Variants in SLC27A1 observed in about 807,000 individuals in gnomAD.
SLC27A1 encodes the protein solute carrier family 27 member 1.
A neutral mutation model predicts 62.2 loss-of-function variants in SLC27A1; 61 were observed. That is an observed-to-expected ratio of 0.98 (90% CI 0.80 to 1.21). The LOEUF (loss-of-function observed/expected upper bound fraction) is 1.21. Ranked by LOEUF, SLC27A1 falls within the 50% of genes most tolerant of loss-of-function variation. The probability of loss-of-function intolerance (pLI) is 0.00; values close to 1 mark genes in which losing one functional copy is unlikely to be tolerated. For synonymous variants in SLC27A1, 435 were observed against 408.6 expected (o/e 1.06, Z -0.78); for missense variants, 903 against 932.1 (o/e 0.97, Z 0.41).
chr19:17,501,440 A>C, intron 11 of SLC27A1, 21 bp downstream of exon 11: 1 of 1,606,864 alleles, frequency 6.2e-7, no homozygotes, highest in East Asian at 2.2e-5. Flanking sequence ...CCCCCACTCC[A>C]ATCTCTCTCT....
intron 8 of SLC27A1, 41 bp from the exon 9 acceptor site, chr19:17,500,454 C>T (rs1216155843): frequency 6.2e-7 from 1 of 1,612,098 alleles, no homozygotes; most frequent in Non-Finnish European, 8.5e-7. Flanking sequence ...GTCCCCACGC[C>T]CTGCCTGCCT....
chr19:17,499,493 C>T (rs1189916200), intron 7 of SLC27A1: 1 of 151,972 alleles, frequency 6.6e-6, no homozygotes, highest in Non-Finnish European at 1.5e-5. Context: ...TGGAATGGCT[C>T]GTGCCCTCGG....
upstream of SLC27A1, among the ~76,000 whole-genome samples, chr19:17,469,908 G>C (rs1016030444): frequency 1.4e-5 from 2 of 147,288 alleles, no homozygotes; most frequent in East Asian, 2.0e-4. Flanking sequence ...ATTGCGGGGG[G>C]GTGGGGAGGC....
intron 6 of SLC27A1, among the ~76,000 whole-genome samples, chr19:17,492,070 A>G (rs1252511957): frequency 3.9e-5 from 6 of 152,092 alleles, no homozygotes; most frequent in Non-Finnish European, 7.3e-5. Context: ...ATTGTAGCAT[A>G]TATTTAGCAA....
chr19:17,500,906 A>G, intron 10 of SLC27A1, 30 bp downstream of exon 10: 1 of 1,584,242 alleles, frequency 6.3e-7, no homozygotes, highest in Non-Finnish European at 8.6e-7. Flanking sequence ...GGTGGTCCTG[A>G]GGCATGGTCC....
intron 11 of SLC27A1, among the ~76,000 whole-genome samples, chr19:17,502,344 GTTTTT>G (rs1231886797): frequency 1.9e-4 from 3 of 15,698 alleles, no homozygotes; most frequent in African/African-American, 4.7e-4. Context: ...TGTTTTTTTT[GTTTTT>G]TTTTTTTTTT....
intron 1 of SLC27A1, among the ~76,000 whole-genome samples, chr19:17,471,705 G>A (rs527712918): frequency 5.9e-5 from 9 of 152,210 alleles, no homozygotes; most frequent in Middle Eastern, 3.4e-3. Flanking sequence ...AGGGTGTGGA[G>A]ATGGGAAAGA....
At chr19:17,485,867 G>A (rs972417585) in intron 1 of SLC27A1, among the ~76,000 whole-genome samples, 1 of 152,040 alleles carries the variant, frequency 6.6e-6, no homozygotes, top group Admixed American at 6.6e-5. Context: ...TCATCTAACA[G>A]CAAGTGGTGG....
At chr19:17,485,191 C>CTTTTTTTTTTTTTTTTTTTTTTT (rs386388659) in intron 1 of SLC27A1, among the ~76,000 whole-genome samples, 1 of 104,998 alleles carries the variant, frequency 9.5e-6, no homozygotes, top group Non-Finnish European at 1.9e-5. Context: ...TTTTTGTTTC[C>CTTTTTTTTTTTTTTTTTTTTTTT]TTTTTTTTTT....
At position 17,486,454 on chromosome 19, in the gene SLC27A1, C is replaced by A. The variant is rs563491931; in HGVS notation, c.168-109C>A. On this transcript the variant is annotated intron_variant, in intron 1 of 11. Coordinates refer to ENST00000252595, the MANE Select transcript of SLC27A1 (RefSeq NM_198580.3). The surrounding 1 kb of genome is among the most constrained non-coding windows in gnomAD (Gnocchi z 6.6). Reference sequence around the variant, plus strand: ...CCACCAAAAGTTTCACCATAGACCTCATCAAAGCCCCTGGCTGCCCTGGGG... The same window carrying A: ...CCACCAAAAGTTTCACCATAGACCTAATCAAAGCCCCTGGCTGCCCTGGGG... 2.1e-4 allele frequency: 273 copies of A among 1,323,912 alleles called. 1 individual carries two copies. The South Asian group carries it at 3.9e-3, about 19-fold the overall frequency. 82.0% of individuals were successfully genotyped at this position (1,323,912 alleles called of 1,614,324 possible).
chr19:17,491,354 C>T (rs2075292476), intron 6 of SLC27A1, among the ~76,000 whole-genome samples: 1 of 151,944 alleles, frequency 6.6e-6, no homozygotes, highest in Non-Finnish European at 1.5e-5. Context: ...CACTATTCTG[C>T]TTCCTGCCTC....
chr19:17,493,084 C>T (rs1233759924), intron 6 of SLC27A1, among the ~76,000 whole-genome samples: 3 of 147,702 alleles, frequency 2.0e-5, no homozygotes, highest in Non-Finnish European at 4.5e-5. Flanking sequence ...GACTGTGCCA[C>T]TGCACTCCAG....
chr19:17,501,537 C>T, intron 11 of SLC27A1, 118 bp downstream of exon 11: 1 of 1,396,904 alleles, frequency 7.2e-7, no homozygotes, highest in South Asian at 1.3e-5. Context: ...GGCACGGTGG[C>T]TCACGCCTGT....
chr19:17,485,124 A>G (rs1160111636), intron 1 of SLC27A1, among the ~76,000 whole-genome samples: 3 of 151,904 alleles, frequency 2.0e-5, no homozygotes, highest in African/African-American at 7.3e-5. Context: ...TTCTCAACCA[A>G]GAAAATCTGA....
chr19:17,483,201 C>G (rs1444443071), intron 1 of SLC27A1, among the ~76,000 whole-genome samples: 2 of 152,082 alleles, frequency 1.3e-5, no homozygotes, highest in Non-Finnish European at 2.9e-5. Context: ...GGTGGCTCTG[C>G]ACAAGGCTTT....
chr19:17,486,598 T>TGCG lies in SLC27A1; in HGVS notation c.209_211dup (p.Arg70dup). On this transcript the variant is annotated inframe_insertion, in exon 2 of 12. Coordinates refer to ENST00000252595, the MANE Select transcript of SLC27A1 (RefSeq NM_198580.3). This position sits in a 1 kb window ranked among gnomAD's most constrained non-coding sequence, Gnocchi z 6.6. ...GTGCTGATCCGCGTGCGCCTGGAGC[T>TGCG]GCGGCGGCACCAGCGTGCCGGCCAC... The TGCG allele has an allele frequency of 6.3e-7, 1 of 1,593,786 alleles. No homozygotes were observed. Among genetic ancestry groups the TGCG allele is most frequent in the Non-Finnish European group, 8.5e-7 (1 of 1,177,012 alleles).
chr19:17,476,345 G>T (rs987305116), intron 1 of SLC27A1, among the ~76,000 whole-genome samples: 2 of 152,072 alleles, frequency 1.3e-5, no homozygotes, highest in Non-Finnish European at 2.9e-5. Flanking sequence ...AGACTAGCCT[G>T]GCCAACGTGG....
chr19:17,474,627 CTTT>C (rs780611616), intron 1 of SLC27A1, among the ~76,000 whole-genome samples: 7 of 131,410 alleles, frequency 5.3e-5, no homozygotes, highest in Non-Finnish European at 8.4e-5. Flanking sequence ...TGACCCCTTT[CTTT>C]TTTTTTTTTT....
intron 6 of SLC27A1, among the ~76,000 whole-genome samples, chr19:17,493,135 AG>A (rs2075311784): frequency 6.7e-6 from 1 of 149,102 alleles, no homozygotes; most frequent in Non-Finnish European, 1.5e-5. Flanking sequence ...AAAAAAAAAA[AG>A]AAAAATAGAG....
Sources: gnomAD v4.1 joint callset for allele counts (sites outside exome capture counted in the v4.1 genomes callset) on GRCh38, gnomAD v4.1.1 for gene constraint, Gnocchi (gnomAD v3.1) non-coding constraint, MANE v1.5 for transcripts, NCBI Gene and HGNC (gene_info 2026-07-23, HGNC 2026-07-21) for gene names.